Variants in FSTL4 observed in about 807,000 individuals in gnomAD.
FSTL4 encodes follistatin like 4.
In FSTL4, 28 loss-of-function variants were observed where a neutral mutation model predicts 78.2. The observed-to-expected ratio is 0.36, with a 90% confidence interval of 0.27 to 0.49. The LOEUF is 0.49. Among genes scored for constraint, FSTL4 ranks in the 20% least tolerant of loss-of-function variants. The pLI is 0.98. For synonymous variants in FSTL4, 422 were observed against 440.5 expected, an observed-to-expected ratio of 0.96 and a Z score of 0.53; for missense variants, 922 against 1,084.9, an observed-to-expected ratio of 0.85 and a Z score of 2.11.
At chr5:133,445,434 G>A (rs1757243808) in intron 3 of FSTL4, among the ~76,000 whole-genome samples, 1 of 151,986 alleles carries the variant, frequency 6.6e-6, no homozygotes, top group African/African-American at 2.4e-5. Context: ...AGGGAGTGTG[G>A]GTCTGGCCTC....
At chr5:133,824,815 C>T in the FSTL4 span, among the ~76,000 whole-genome samples, 1,046 of 152,260 alleles carry the variant, frequency 6.9e-3, 10 homozygotes, top group Middle Eastern at 0.031. Flanking sequence ...CATACCATGT[C>T]CAATGGCTGA....
chr5:133,792,178 T>C, the FSTL4 span, among the ~76,000 whole-genome samples: 3 of 152,214 alleles, frequency 2.0e-5, no homozygotes, highest in African/African-American at 7.2e-5. Context: ...ATGATGCAGC[T>C]GACCTGTGTC....
intron 6 of FSTL4, among the ~76,000 whole-genome samples, chr5:133,258,873 C>A (rs949080960): frequency 3.3e-5 from 5 of 152,194 alleles, no homozygotes; most frequent in African/African-American, 9.7e-5. Flanking sequence ...AGTCTTTTGA[C>A]AGGCCAAGTC....
At chr5:133,699,449 TA>T in the FSTL4 span, among the ~76,000 whole-genome samples, 1 of 151,954 alleles carries the variant, frequency 6.6e-6, no homozygotes, top group Non-Finnish European at 1.5e-5. Context: ...TTACCTCAGC[TA>T]ACCCTCACAA....
chr5:133,502,543 G>A (rs1758521050), intron 3 of FSTL4, among the ~76,000 whole-genome samples: 1 of 152,182 alleles, frequency 6.6e-6, no homozygotes, highest in Non-Finnish European at 1.5e-5. Context: ...TGGATCATGG[G>A]GGCAGAGTTC....
chr5:133,689,858 C>G, the FSTL4 span, among the ~76,000 whole-genome samples: 1 of 152,052 alleles, frequency 6.6e-6, no homozygotes, highest in Non-Finnish European at 1.5e-5. Context: ...GTCAGGTGTT[C>G]GAGACCAGCC....
intron 3 of FSTL4, among the ~76,000 whole-genome samples, chr5:133,553,826 C>A (rs370013107): frequency 2.0e-5 from 3 of 152,168 alleles, no homozygotes; most frequent in African/African-American, 7.2e-5. Context: ...TAGGATATGG[C>A]GGCTAAGTCT....
intron 4 of FSTL4, among the ~76,000 whole-genome samples, chr5:133,397,227 A>G (rs1756080927): frequency 6.6e-6 from 1 of 152,268 alleles, no homozygotes; most frequent in Non-Finnish European, 1.5e-5. Context: ...TTGAAAACAC[A>G]AACTCTATAA....
the FSTL4 span, among the ~76,000 whole-genome samples, chr5:133,771,624 G>A: frequency 6.6e-6 from 1 of 152,068 alleles, no homozygotes; most frequent in South Asian, 2.1e-4. Context: ...CAAACCTAAG[G>A]ATTTTTTTTT....
At position 133,567,237 on chromosome 5, in the gene FSTL4, CTT is replaced by C. The variant is rs1207093226; in HGVS notation, c.127-20_127-19del. The C allele has an allele frequency of 3.1e-6, 5 of 1,596,386 alleles. No individual in the cohort carries two copies. Among genetic ancestry groups the C allele is most frequent in the African/African-American group, 1.3e-5 (1 of 74,612 alleles). On this transcript the variant is annotated intron_variant, in intron 2 of 15. Coordinates refer to ENST00000265342, the MANE Select transcript of FSTL4 (RefSeq NM_015082.2). ...CTGGGCTCCTGCAAGAAAAGAAAGA[CTT>C]TGTGTTTTCTGAAGAATAATTCATA...
At chr5:133,795,810 A>C in the FSTL4 span, among the ~76,000 whole-genome samples, 3,832 of 152,314 alleles carry the variant, frequency 0.025, 125 homozygotes, top group African/African-American at 0.077. Context: ...CATGCAGCCT[A>C]AATTCCCCAT....
the FSTL4 span, among the ~76,000 whole-genome samples, chr5:133,763,163 A>C: frequency 6.6e-6 from 1 of 152,242 alleles, no homozygotes; most frequent in Non-Finnish European, 1.5e-5. Context: ...AGTACTTTGG[A>C]CATGAATTCC....
At chr5:133,820,410 C>T in the FSTL4 span, among the ~76,000 whole-genome samples, 6 of 152,184 alleles carry the variant, frequency 3.9e-5, no homozygotes, top group Non-Finnish European at 5.9e-5. Flanking sequence ...GCACATTCTT[C>T]CTGGTTACAA....
At chr5:133,451,400 A>G (rs1580717332) in intron 3 of FSTL4, among the ~76,000 whole-genome samples, 2 of 148,476 alleles carry the variant, frequency 1.3e-5, no homozygotes, top group East Asian at 3.9e-4. Flanking sequence ...GTCTCTACTA[A>G]AAAAAAAAAA....
chr5:133,396,792 C>T (rs531853494), intron 4 of FSTL4, among the ~76,000 whole-genome samples: 1 of 152,288 alleles, frequency 6.6e-6, no homozygotes, highest in East Asian at 1.9e-4. Context: ...CAACAAAATA[C>T]TGAGTTTTTA....
intron 14 of FSTL4, among the ~76,000 whole-genome samples, chr5:133,206,572 G>C (rs966195737): frequency 6.6e-6 from 1 of 152,132 alleles, no homozygotes; most frequent in Non-Finnish European, 1.5e-5. Flanking sequence ...ATGTTGGCCA[G>C]GATGGTCTTG....
At chr5:133,502,490 T>C (rs775762827) in intron 3 of FSTL4, among the ~76,000 whole-genome samples, 19 of 152,134 alleles carry the variant, frequency 1.2e-4, no homozygotes, top group Non-Finnish European at 2.5e-4. Context: ...TCCTGTGGAA[T>C]TGCAATCCCC....
intron 7 of FSTL4, among the ~76,000 whole-genome samples, chr5:133,233,896 C>T (rs1335107201): frequency 6.6e-6 from 1 of 152,150 alleles, no homozygotes; most frequent in Non-Finnish European, 1.5e-5. Context: ...GTGTTGCTCA[C>T]CTGATGAGCA....
chr5:133,291,146 C>T (rs867256958), intron 6 of FSTL4, among the ~76,000 whole-genome samples: 22 of 152,338 alleles, frequency 1.4e-4, no homozygotes, highest in Middle Eastern at 3.4e-3. Flanking sequence ...GTTGGTGAGA[C>T]AGGAGACACA....
Sources: gnomAD v4.1 joint callset for allele counts (sites outside exome capture counted in the v4.1 genomes callset) on GRCh38, gnomAD v4.1.1 for gene constraint, MANE v1.5 for transcripts, NCBI Gene and HGNC (gene_info 2026-07-23, HGNC 2026-07-21) for gene names.